Variants in JPH1 observed in about 807,000 individuals in gnomAD.
JPH1 encodes junctophilin-1.
Under a neutral mutation model 53.6 loss-of-function variants are expected in JPH1, and 12 were observed. The observed-to-expected ratio is 0.22, with a 90% CI of 0.14 to 0.36. The LOEUF is 0.36. Ranked by LOEUF, JPH1 falls within the 10% of genes least tolerant of loss-of-function variation. The pLI is 1.00. For synonymous variants in JPH1, 375 were observed against 363.8 expected (o/e 1.03, Z -0.35); for missense variants, 808 against 905.5 (o/e 0.89, Z 1.38).
intron 2 of JPH1, among the ~76,000 whole-genome samples, chr8:74,267,459 C>A (rs1372114775): frequency 6.6e-6 from 1 of 152,232 alleles, no homozygotes; most frequent in East Asian, 1.9e-4. Context: ...TTTGCCTTAT[C>A]TCTGGGGCAG....
chr8:74,280,071 T>C (rs1806967109), intron 2 of JPH1, among the ~76,000 whole-genome samples: 1 of 152,172 alleles, frequency 6.6e-6, no homozygotes, highest in Admixed American at 6.5e-5. Flanking sequence ...AACTTTCCTA[T>C]CATTTGAATG....
intron 2 of JPH1, among the ~76,000 whole-genome samples, chr8:74,296,081 C>T (rs1319160502): frequency 1.5e-5 from 2 of 136,326 alleles, no homozygotes; most frequent in Non-Finnish European, 3.2e-5. Context: ...ATCAGAAACC[C>T]GATTAAATCT....
chr8:74,278,579 C>T (rs137962260), intron 2 of JPH1, among the ~76,000 whole-genome samples: 25 of 152,312 alleles, frequency 1.6e-4, no homozygotes, highest in African/African-American at 5.5e-4. Flanking sequence ...TTGCCACCTG[C>T]ACACTTTGGG....
chr8:74,239,254 G>A (rs1331367416), intron 4 of JPH1, among the ~76,000 whole-genome samples: 1 of 152,056 alleles, frequency 6.6e-6, no homozygotes, highest in African/African-American at 2.4e-5. Context: ...GAGGACAGGT[G>A]TCTTGCTCAA....
At position 74,259,367 on chromosome 8, in the gene JPH1, A is replaced by G; in HGVS notation, c.1258+18T>C. 6.3e-7 allele frequency: 1 copy of G among 1,583,118 alleles called. No individual in the cohort carries two copies. Among genetic ancestry groups the G allele is most frequent in the African/African-American group, 1.3e-5 (1 of 74,460 alleles). ...AGCCAGTGCTCCTGCCTCACCCATC[A>G]AAGGAGCACTGTTTTACCTGGTTGG... On this transcript the variant is annotated intron_variant, in intron 3 of 5. Coordinates refer to ENST00000342232, the MANE Select transcript of JPH1 (RefSeq NM_020647.4).
chr8:74,251,869 T>C (rs945715712), intron 3 of JPH1, among the ~76,000 whole-genome samples: 1 of 152,078 alleles, frequency 6.6e-6, no homozygotes, highest in African/African-American at 2.4e-5. Context: ...GCCAAGTCAA[T>C]CCTAAGCCAA....
intron 2 of JPH1, among the ~76,000 whole-genome samples, chr8:74,295,491 T>C (rs1414229524): frequency 1.3e-5 from 2 of 152,214 alleles, no homozygotes; most frequent in African/African-American, 4.8e-5. Flanking sequence ...ATTTAGCACC[T>C]ACTAAGTGCT....
chr8:74,237,087 C>G (rs1807021777), intron 5 of JPH1, 52 bp from the exon 6 acceptor site: 4 of 658,604 alleles, frequency 6.1e-6, no homozygotes, highest in Non-Finnish European at 1.1e-5. Flanking sequence ...GAATCACATT[C>G]AGGCATAGCC....
chr8:74,313,614 T>C (rs1433182855), intron 2 of JPH1, among the ~76,000 whole-genome samples: 1 of 151,886 alleles, frequency 6.6e-6, no homozygotes, highest in Non-Finnish European at 1.5e-5. Context: ...CATTTTTTTT[T>C]GTACATTAAA....
chr8:74,281,737 C>T (rs902591513), intron 2 of JPH1, among the ~76,000 whole-genome samples: 3 of 152,154 alleles, frequency 2.0e-5, no homozygotes, highest in African/African-American at 7.2e-5. Flanking sequence ...CCACAACTAT[C>T]CCCTCACATT....
chr8:74,267,549 G>A (rs1806569598), intron 2 of JPH1, among the ~76,000 whole-genome samples: 2 of 152,182 alleles, frequency 1.3e-5, no homozygotes, highest in African/African-American at 4.8e-5. Context: ...GAGGGCTAGG[G>A]AAAGCTTGCT....
chr8:74,289,626 T>G (rs1807264882), intron 2 of JPH1, among the ~76,000 whole-genome samples: 1 of 152,110 alleles, frequency 6.6e-6, no homozygotes, highest in Admixed American at 6.5e-5. Flanking sequence ...CAATTCTAAC[T>G]CCCCTTTCCC....
At chr8:74,278,172 G>A (rs558389892) in intron 2 of JPH1, among the ~76,000 whole-genome samples, 1 of 152,290 alleles carries the variant, frequency 6.6e-6, no homozygotes, top group South Asian at 2.1e-4. Flanking sequence ...TTTTTCTCAT[G>A]CTGTTCTCGT....
At chr8:74,289,842 C>T (rs573243894) in intron 2 of JPH1, among the ~76,000 whole-genome samples, 1 of 152,218 alleles carries the variant, frequency 6.6e-6, no homozygotes, top group South Asian at 2.1e-4. Flanking sequence ...TGGTTTTTGT[C>T]TTTGGTTCTG....
intron 3 of JPH1, among the ~76,000 whole-genome samples, chr8:74,258,778 C>T (rs1328730791): frequency 1.3e-5 from 2 of 152,128 alleles, no homozygotes; most frequent in Non-Finnish European, 2.9e-5. Flanking sequence ...ATTTTAGATT[C>T]TTGTCTAGTT....
chr8:74,319,163 A>G (rs1445677947), intron 1 of JPH1, among the ~76,000 whole-genome samples: 1 of 152,108 alleles, frequency 6.6e-6, no homozygotes, highest in African/African-American at 2.4e-5. Flanking sequence ...ACTGTGCTAT[A>G]TATATTTTGA....
In JPH1 at chr8:74,235,482, A is replaced by C. The variant is rs1806971934; in HGVS notation, c.*1569T>G. The C allele has an allele frequency of 7.2e-6, 1 of 139,496 alleles. No individual in the cohort carries two copies. The highest frequency in any genetic ancestry group is 7.7e-5 in the Admixed American group (1 of 12,984). The allele number at this position is 139,496 out of a possible 1,614,324, so 8.6% of individuals were successfully genotyped here. On this transcript the variant is annotated 3_prime_UTR_variant, in exon 6 of 6. Transcript: ENST00000342232. ...GTGAACTGTCTCTTCTCCATTGAAA[A>C]GGTAGCTAATATGGTGTAAAAAAAA... is the stretch of plus-strand genomic sequence containing the variant.
chr8:74,276,630 T>C (rs954130110), intron 2 of JPH1, among the ~76,000 whole-genome samples: 1 of 152,216 alleles, frequency 6.6e-6, no homozygotes, highest in Admixed American at 6.5e-5. Flanking sequence ...CTGCATAACA[T>C]CTGTCATCTA....
chr8:74,272,806 G>A (rs1174317765), intron 2 of JPH1, among the ~76,000 whole-genome samples: 1 of 151,800 alleles, frequency 6.6e-6, no homozygotes, highest in Admixed American at 6.6e-5. Flanking sequence ...GGGTTTCACC[G>A]TGTTAGCCAG....
Sources: allele counts gnomAD v4.1 joint callset (sites outside exome capture counted in the v4.1 genomes callset), GRCh38; gene constraint gnomAD v4.1.1; transcripts MANE v1.5; gene names NCBI Gene and HGNC (gene_info 2026-07-23, HGNC 2026-07-21).